The following FUT8 variants were observed in gnomAD, a reference collection of about 807,000 sequenced individuals.
The protein encoded by FUT8 is fucosyltransferase 8.
Under a neutral mutation model 71.3 loss-of-function variants are expected in FUT8, and 29 were observed. The ratio of observed to expected loss-of-function variants is 0.41; its 90% CI spans 0.30 to 0.55. The LOEUF is 0.55. Among genes scored for constraint, FUT8 ranks in the 20% least tolerant of loss-of-function variants. The pLI is 0.34. For missense variants in FUT8, 544 were observed against 702.1 expected, an observed-to-expected ratio of 0.77 and a Z score of 2.55; for synonymous variants, 254 against 239.3, an observed-to-expected ratio of 1.06 and a Z score of -0.57.
At chr14:65,619,033 G>A (rs1434018924) in intron 5 of FUT8, among the ~76,000 whole-genome samples, 1 of 152,150 alleles carries the variant, frequency 6.6e-6, no homozygotes, top group Non-Finnish European at 1.5e-5. Flanking sequence ...GTAGTATTAT[G>A]GAACTGAGAG....
chr14:65,619,175 G>C (rs1007617501), intron 5 of FUT8, among the ~76,000 whole-genome samples: 4 of 152,158 alleles, frequency 2.6e-5, no homozygotes, highest in African/African-American at 9.7e-5. Flanking sequence ...GATCATAATA[G>C]TAGTAGTAAT....
chr14:65,359,238 T>G, the FUT8 span, among the ~76,000 whole-genome samples: 1 of 152,318 alleles, frequency 6.6e-6, no homozygotes, highest in Non-Finnish European at 1.5e-5. Flanking sequence ...CTGGAATCCC[T>G]GGGCTGCCCC....
intron 2 of FUT8, among the ~76,000 whole-genome samples, chr14:65,481,161 A>AGTG (rs1203814558): frequency 6.6e-6 from 1 of 151,948 alleles, no homozygotes; most frequent in Non-Finnish European, 1.5e-5. Context: ...ATGGGTGTGA[A>AGTG]GTGGTATCTC....
intron 3 of FUT8, among the ~76,000 whole-genome samples, chr14:65,576,663 G>T (rs1302642812): frequency 7.2e-6 from 1 of 138,598 alleles, no homozygotes; most frequent in African/African-American, 2.7e-5. Context: ...CAAGTAGCTG[G>T]GAACACAGGT....
At chr14:65,401,666 G>A in the FUT8 span, among the ~76,000 whole-genome samples, 1 of 152,180 alleles carries the variant, frequency 6.6e-6, no homozygotes, top group Non-Finnish European at 1.5e-5. Context: ...GGAAGGCCAA[G>A]GTGGGCAGAT....
chr14:65,725,982 G>A lies in FUT8; in HGVS notation c.1259+1659G>A, dbSNP rs548617599. Among the ~76,000 whole-genome samples the A allele has an allele frequency of 2.6e-5, 4 of 152,216 alleles. No homozygotes were observed. The South Asian group carries it at 8.3e-4, about 32-fold the overall frequency. ...TCAAGGCTCCCTCTCTTGAGCATAT[G>A]CACACACTACCATATACATGCGCGC... On this transcript the variant is annotated intron_variant, in intron 9 of 10. Coordinates refer to ENST00000673929, the MANE Select transcript of FUT8 (RefSeq NM_001371533.1).
intron 2 of FUT8, among the ~76,000 whole-genome samples, chr14:65,525,898 C>A (rs895889855): frequency 3.9e-5 from 6 of 152,174 alleles, no homozygotes; most frequent in African/African-American, 1.4e-4. Context: ...ATCCTGAGTT[C>A]TAGTTTGATT....
At chr14:65,363,173 G>A in the FUT8 span, among the ~76,000 whole-genome samples, 2 of 152,164 alleles carry the variant, frequency 1.3e-5, no homozygotes. Context: ...CTAGGCTGGT[G>A]TACAGTGGTG....
At chr14:65,514,424 A>G (rs1199921190) in intron 2 of FUT8, among the ~76,000 whole-genome samples, 11 of 152,258 alleles carry the variant, frequency 7.2e-5, no homozygotes, top group Admixed American at 5.9e-4. Context: ...GCCGAATACA[A>G]GAGGAAAACT....
At chr14:65,612,031 A>T (rs994178249) in intron 3 of FUT8, among the ~76,000 whole-genome samples, 1 of 152,158 alleles carries the variant, frequency 6.6e-6, no homozygotes, top group African/African-American at 2.4e-5. Context: ...TACAGTCATA[A>T]TAACTGTTAT....
chr14:65,569,479 T>C (rs922869230), intron 3 of FUT8, among the ~76,000 whole-genome samples: 8 of 151,822 alleles, frequency 5.3e-5, no homozygotes, highest in Non-Finnish European at 1.0e-4. Flanking sequence ...GTCTTCTGTT[T>C]TGTTCATTGT....
intron 3 of FUT8, among the ~76,000 whole-genome samples, chr14:65,576,497 G>A (rs561103616): frequency 1.3e-5 from 2 of 151,868 alleles, no homozygotes; most frequent in East Asian, 1.9e-4. Context: ...TTAGGCTCTT[G>A]TTTTACTGTA....
intron 7 of FUT8, among the ~76,000 whole-genome samples, chr14:65,709,371 GAGATTACT>G: frequency 6.6e-6 from 1 of 152,254 alleles, no homozygotes; most frequent in Admixed American, 6.5e-5. Context: ...GGTGGCATAT[GAGATTACT>G]TTAGGCAGTG....
chr14:65,662,820 A>G (rs1454881843), intron 6 of FUT8, among the ~76,000 whole-genome samples: 2 of 152,206 alleles, frequency 1.3e-5, no homozygotes, highest in South Asian at 4.1e-4. Context: ...AACTGAGTTC[A>G]TAACAGAACC....
At chr14:65,605,015 T>G (rs11158602) in intron 3 of FUT8, among the ~76,000 whole-genome samples, 54,633 of 151,672 alleles carry the variant, frequency 0.36, 12,620 homozygotes, top group Non-Finnish European at 0.51. Flanking sequence ...TCACTCAACA[T>G]TGTGAAATTC....
the FUT8 span, among the ~76,000 whole-genome samples, chr14:65,376,641 A>G: frequency 0.23 from 31,662 of 138,664 alleles, 4,416 homozygotes; most frequent in East Asian, 0.54. Context: ...TGAACTCCTG[A>G]CCTCAAGTGA....
At chr14:65,367,407 A>G in the FUT8 span, among the ~76,000 whole-genome samples, 1 of 152,148 alleles carries the variant, frequency 6.6e-6, no homozygotes, top group African/African-American at 2.4e-5. Context: ...AGGGCAGGAG[A>G]TTGAAAATCT....
At chr14:65,639,228 G>GACTAAGGACACAGGTTTAACTC (rs1330076376) in intron 6 of FUT8, among the ~76,000 whole-genome samples, 1 of 152,138 alleles carries the variant, frequency 6.6e-6, no homozygotes, top group South Asian at 2.1e-4. Context: ...ATAGGCTGGT[G>GACTAAGGACACAGGTTTAACTC]ATAGGAAGTA....
At chr14:65,469,990 G>A (rs2066113353) in intron 2 of FUT8, among the ~76,000 whole-genome samples, 1 of 152,182 alleles carries the variant, frequency 6.6e-6, no homozygotes, top group African/African-American at 2.4e-5. Flanking sequence ...ATCTGGGGAC[G>A]TGCCCCCTTC....
Sources: gnomAD v4.1 joint callset for allele counts (sites outside exome capture counted in the v4.1 genomes callset) on GRCh38, gnomAD v4.1.1 for gene constraint, MANE v1.5 for transcripts, NCBI Gene and HGNC (gene_info 2026-07-23, HGNC 2026-07-21) for gene names.